The following RYR3 variants were observed in gnomAD, a reference collection of about 807,000 sequenced individuals.
The protein encoded by RYR3 is brain ryanodine receptor-calcium release channel.
In RYR3, 207 loss-of-function variants were observed where a neutral mutation model predicts 584.3. The observed-to-expected ratio is 0.35, with a 90% CI of 0.32 to 0.40. RYR3 has a LOEUF of 0.40. Ranked by LOEUF, RYR3 falls within the 10% of genes least tolerant of loss-of-function variation. The pLI, the probability that RYR3 is intolerant of heterozygous loss-of-function variation, is 1.00. For missense variants in RYR3, 5,616 were observed against 6,089.2 expected (o/e 0.92, Z 2.59); for synonymous variants, 2,416 against 2,248.5 (o/e 1.07, Z -2.11).
chr15:33,511,981 T>G (rs2053067372), intron 3 of RYR3, among the ~76,000 whole-genome samples: 1 of 152,160 alleles, frequency 6.6e-6, no homozygotes, highest in Non-Finnish European at 1.5e-5. Flanking sequence ...GGTTTCACCG[T>G]GTTAGCCAGG....
intron 1 of RYR3, among the ~76,000 whole-genome samples, chr15:33,427,041 A>G (rs1382588794): frequency 2.0e-5 from 3 of 152,206 alleles, no homozygotes; most frequent in Non-Finnish European, 4.4e-5. Flanking sequence ...TTAGACTTCA[A>G]CTTATGAATT....
At chr15:33,459,825 G>T (rs1001777085) in intron 1 of RYR3, among the ~76,000 whole-genome samples, 1 of 152,188 alleles carries the variant, frequency 6.6e-6, no homozygotes, top group African/African-American at 2.4e-5. Context: ...GGAGGGGAAA[G>T]CTTCTCCAAA....
Position 33,812,902 on chromosome 15 carries a change from A to G in RYR3, c.10297A>G (p.Lys3433Glu). 6.2e-7 allele frequency: 1 copy of G among 1,613,992 alleles called. No individual in the cohort carries two copies. Among genetic ancestry groups the G allele is most frequent in the Non-Finnish European group, 8.5e-7 (1 of 1,179,860 alleles). Residue 3433 changes from lysine to glutamate, a missense_variant, in exon 73 of 104, where the codon AAG (lysine) becomes GAG (glutamate). By Grantham distance (56) the Lys-to-Glu change is moderately conservative. Around this residue, in one of 9 missense-constraint regions of RYR3, gnomAD observed 954 missense variants for 1,132.2 expected, o/e 0.84. Coordinates refer to ENST00000634891, the MANE Select transcript of RYR3 (RefSeq NM_001036.6). ...TGTAAAATGGCAACTGAACCTCTAC[A>G]AGGATGTTCTGAAGAGTGAAGAACC... ...PAVKWQLNLYKDVLKSEEPFN... is the reference protein window; with the variant it reads ...PAVKWQLNLYEDVLKSEEPFN...
chr15:33,635,658 T>G lies in RYR3; in HGVS notation c.3220T>G (p.Phe1074Val), dbSNP rs762481582. The stretch of plus-strand genomic sequence containing the variant: ...GGTCAGCATAGACAAGATCCGATTT[T>G]TCCGGGTAGAGCGATCTTATGCAGT... ...EKVSIDKIRF[F>V]RVERSYAVRS... Residue 1074 changes from phenylalanine (F) to valine (V), a missense_variant, in exon 26 of 104, where the codon TTC (phenylalanine) becomes GTC (valine). Coordinates refer to ENST00000634891, the MANE Select transcript of RYR3 (RefSeq NM_001036.6). 1 of 1,614,002 alleles carries G rather than the reference T, an allele frequency of 6.2e-7. No homozygotes were observed. The highest frequency in any genetic ancestry group is 8.5e-7 in the Non-Finnish European group (1 of 1,179,892).
intron 38 of RYR3, among the ~76,000 whole-genome samples, chr15:33,690,710 C>T (rs1441516451): frequency 6.6e-6 from 1 of 152,124 alleles, no homozygotes; most frequent in African/African-American, 2.4e-5. Context: ...TATATAGATC[C>T]GTGGTTCTCA....
At chr15:33,351,107 T>C (rs1207184337) in intron 1 of RYR3, among the ~76,000 whole-genome samples, 1 of 152,108 alleles carries the variant, frequency 6.6e-6, no homozygotes, top group Non-Finnish European at 1.5e-5. Flanking sequence ...AAATACAAAC[T>C]ACCATCAGAG....
intron 3 of RYR3, among the ~76,000 whole-genome samples, chr15:33,526,751 TG>T (rs1483510929): frequency 6.6e-6 from 1 of 152,048 alleles, no homozygotes; most frequent in African/African-American, 2.4e-5. Context: ...GGCACTGACA[TG>T]GGCATGGCAG....
rs2053933713 is a variant in RYR3 at position 33,520,912 on chromosome 15, C to T, written c.280-9680C>T. Among the ~76,000 whole-genome samples the T allele has an allele frequency of 3.9e-5, 6 of 152,314 alleles. No individual in the cohort carries two copies. In the South Asian group the frequency reaches 1.2e-3, roughly 32 times the overall value. On this transcript the variant is annotated intron_variant, in intron 3 of 103. Coordinates refer to ENST00000634891, the MANE Select transcript of RYR3 (RefSeq NM_001036.6). ...GAAAAGTATCAGGACTAGTGGGAAA[C>T]TCAGTCATTTAATTTGTTCCCCAAC... is the stretch of plus-strand genomic sequence containing the variant.
chr15:33,627,104 C>T (rs777420203), intron 20 of RYR3, among the ~76,000 whole-genome samples: 2 of 152,148 alleles, frequency 1.3e-5, no homozygotes, highest in African/African-American at 2.4e-5. Flanking sequence ...CATAGACACT[C>T]GAGCATGCAG....
chr15:33,830,425 G>T (rs2077605674), intron 85 of RYR3, among the ~76,000 whole-genome samples: 2 of 152,190 alleles, frequency 1.3e-5, no homozygotes, highest in African/African-American at 4.8e-5. Context: ...GTTTTTTAAA[G>T]ACATAATGCT....
chr15:33,445,952 G>A (rs112970666), intron 1 of RYR3, among the ~76,000 whole-genome samples: 1 of 152,122 alleles, frequency 6.6e-6, no homozygotes, highest in South Asian at 2.1e-4. Context: ...GCGTTAGTAG[G>A]AAATGTTGTA....
intron 1 of RYR3, among the ~76,000 whole-genome samples, chr15:33,316,897 TCTAGTGTTGGGCTCAC>T (rs1968252673): frequency 6.6e-6 from 1 of 152,212 alleles, no homozygotes; most frequent in African/African-American, 2.4e-5. Flanking sequence ...TTGGACAGCC[TCTAGTGTTGGGCTCAC>T]CCCAGGATCT....
chr15:33,627,565 C>T (rs1376207211), intron 20 of RYR3, among the ~76,000 whole-genome samples: 1 of 152,160 alleles, frequency 6.6e-6, no homozygotes, highest in Non-Finnish European at 1.5e-5. Context: ...GGGCACAGAA[C>T]TGTGAAACAG....
chr15:33,765,127 A>G (rs1409191615), intron 60 of RYR3, among the ~76,000 whole-genome samples: 1 of 151,944 alleles, frequency 6.6e-6, no homozygotes, highest in African/African-American at 2.4e-5. Context: ...AATTCCTAAT[A>G]GGAAAAAAAT....
chr15:33,840,617 GT>G (rs913847831), intron 89 of RYR3: 13 of 597,532 alleles, frequency 2.2e-5, no homozygotes, highest in Non-Finnish European at 3.0e-5. Flanking sequence ...GGGAGGTTGA[GT>G]TTTCAAGTTT....
At chr15:33,502,772 A>G (rs768545867) in intron 2 of RYR3, among the ~76,000 whole-genome samples, 107 of 152,330 alleles carry the variant, frequency 7.0e-4, no homozygotes, top group Non-Finnish European at 1.4e-3. Flanking sequence ...CTGGATTTGT[A>G]TCTGACTCAG....
rs751801822 is a variant in RYR3, at chr15:33,503,673, C to G, written c.214C>G (p.Gln72Glu). 1.2e-6 allele frequency: 2 copies of G among 1,613,210 alleles called. No homozygotes were observed. ...DLCVCNFVLE[Q>E]SLSVRALQEM... is the part of the protein sequence containing the mutation. ...CTGCGTCTGCAATTTTGTGCTGGAA[C>G]AGTCCCTATCTGTCAGAGCCCTGCA... Residue 72 changes from glutamine to glutamate, a missense_variant, in exon 3 of 104, where the codon CAG becomes GAG. Gln to Glu is a conservative substitution (Grantham distance 29). Transcript: ENST00000634891.
intron 69 of RYR3, among the ~76,000 whole-genome samples, chr15:33,803,589 C>G (rs2076031930): frequency 6.6e-6 from 1 of 152,150 alleles, no homozygotes; most frequent in African/African-American, 2.4e-5. Context: ...GATCTCGGCT[C>G]TCTGTGAGCT....
At chr15:33,688,624 G>A (rs2152751745) in intron 38 of RYR3, among the ~76,000 whole-genome samples, 1 of 149,214 alleles carries the variant, frequency 6.7e-6, no homozygotes, top group East Asian at 2.0e-4. Flanking sequence ...ACATGGAAAA[G>A]TGTTCATCAT....
Sources: gnomAD v4.1 joint callset for allele counts (sites outside exome capture counted in the v4.1 genomes callset) on GRCh38, gnomAD v4.1.1 for gene constraint, gnomAD v4.1.1 regional missense constraint, MANE v1.5 for transcripts, NCBI Gene and HGNC (gene_info 2026-07-23, HGNC 2026-07-21) for gene names.